Variants in TFEC observed in about 807,000 individuals in gnomAD.
TFEC encodes the protein class E basic helix-loop-helix protein 34.
TFEC carries 31 observed loss-of-function variants against 41.6 expected under a neutral mutation model. That is an observed-to-expected ratio of 0.74 (90% CI 0.56 to 1.01). TFEC has a LOEUF of 1.01. TFEC is among the 50% of genes least tolerant of loss of function. TFEC has a pLI of 0.00. For synonymous variants in TFEC, 143 were observed against 140.6 expected (o/e 1.02, Z -0.12); for missense variants, 402 against 404.1 (o/e 0.99, Z 0.04).
At chr7:115,949,205 C>A (rs1298182125) in intron 6 of TFEC, among the ~76,000 whole-genome samples, 1 of 152,028 alleles carries the variant, frequency 6.6e-6, no homozygotes, top group Non-Finnish European at 1.5e-5. Context: ...AAAGAGCATA[C>A]AAAGAAATGG....
chr7:115,948,693 G>A (rs1369662954), intron 6 of TFEC, among the ~76,000 whole-genome samples: 15 of 150,004 alleles, frequency 1.0e-4, no homozygotes, highest in South Asian at 8.6e-4. Flanking sequence ...TTGATGGGAC[G>A]TATCTCAAAA....
At chr7:116,045,550 C>A (rs1446064814) in intron 3 of TFEC, among the ~76,000 whole-genome samples, 1 of 152,184 alleles carries the variant, frequency 6.6e-6, no homozygotes, top group Non-Finnish European at 1.5e-5. Context: ...GTTTGGGAAC[C>A]TCTGCCTAGA....
At chr7:116,052,811 TG>T (rs1167514425) in intron 3 of TFEC, among the ~76,000 whole-genome samples, 4 of 151,048 alleles carry the variant, frequency 2.6e-5, no homozygotes, top group Non-Finnish European at 4.4e-5. Flanking sequence ...GGCTCACGCC[TG>T]TAATCCCAGC....
chr7:115,998,077 G>A (rs1794438778), intron 1 of TFEC, among the ~76,000 whole-genome samples: 1 of 151,952 alleles, frequency 6.6e-6, no homozygotes, highest in Non-Finnish European at 1.5e-5. Flanking sequence ...CAAGCCTAGA[G>A]AAAGATATCA....
intron 3 of TFEC, among the ~76,000 whole-genome samples, chr7:116,103,726 C>T (rs773025818): frequency 1.3e-5 from 2 of 152,024 alleles, no homozygotes; most frequent in Non-Finnish European, 2.9e-5. Context: ...TCTCCGGACA[C>T]GCATATTTAA....
At chr7:116,042,766 A>T (rs919117674) in intron 3 of TFEC, among the ~76,000 whole-genome samples, 4 of 152,008 alleles carry the variant, frequency 2.6e-5, no homozygotes, top group Admixed American at 6.6e-5. Flanking sequence ...GGTCAATATG[A>T]CTCTTCTCCC....
In TFEC at chr7:115,938,776, T is replaced by A. The variant is rs1793349841; in HGVS notation, c.*1775A>T. 1 of 151,916 alleles carries A rather than the reference T, an allele frequency of 6.6e-6. No homozygotes were observed. Among genetic ancestry groups the A allele is most frequent in the Non-Finnish European group, 1.5e-5 (1 of 67,898 alleles). 9.4% of individuals were successfully genotyped at this position (151,916 alleles called of 1,614,324 possible). ...CATTAGTAATATATATTTTAGTTTT[T>A]AGCATCCTCCCTGCTACTAAAAAGA... On this transcript the variant is annotated 3_prime_UTR_variant, in exon 8 of 8. Coordinates refer to ENST00000265440, the MANE Select transcript of TFEC (RefSeq NM_012252.4).
upstream of TFEC, among the ~76,000 whole-genome samples, chr7:116,033,062 C>T (rs966344396): frequency 6.6e-6 from 1 of 151,752 alleles, no homozygotes; most frequent in African/African-American, 2.4e-5. Flanking sequence ...TTTACAGACT[C>T]CCTGCAAGAT....
chr7:115,998,240 GTC>G (rs1794444894), intron 1 of TFEC, among the ~76,000 whole-genome samples: 1 of 152,052 alleles, frequency 6.6e-6, no homozygotes, highest in African/African-American at 2.4e-5. Flanking sequence ...GTGGTAAGTT[GTC>G]ATCAACTTAC....
At chr7:116,119,552 C>T (rs1245932080) in intron 1 of TFEC, among the ~76,000 whole-genome samples, 3 of 151,560 alleles carry the variant, frequency 2.0e-5, no homozygotes, top group Non-Finnish European at 1.5e-5. Flanking sequence ...CTGAATTATA[C>T]ACTTTAAAAG....
chr7:116,020,155 C>T (rs761950896), intron 1 of TFEC, among the ~76,000 whole-genome samples: 21 of 152,134 alleles, frequency 1.4e-4, no homozygotes, highest in Non-Finnish European at 2.6e-4. Context: ...ACTTCTGAAG[C>T]AAAACGATAA....
At chr7:115,945,016 A>C (rs1791454308) in intron 6 of TFEC, among the ~76,000 whole-genome samples, 1 of 150,110 alleles carries the variant, frequency 6.7e-6, no homozygotes, top group South Asian at 2.3e-4. Context: ...CATACTAGAT[A>C]ATTGTATAGT....
intron 2 of TFEC, among the ~76,000 whole-genome samples, chr7:115,980,627 G>A (rs947037472): frequency 6.6e-6 from 1 of 152,088 alleles, no homozygotes; most frequent in African/African-American, 2.4e-5. Context: ...GCTTGTGCCT[G>A]TAGTCCCAGC....
intron 7 of TFEC, 114 bp downstream of exon 7, chr7:115,941,779 A>C (rs1793515934): frequency 7.1e-7 from 1 of 1,404,220 alleles, no homozygotes; most frequent in South Asian, 1.5e-5. Flanking sequence ...ATTATCCTTC[A>C]AAAGGAAAAA....
chr7:116,158,618 A>C (rs1249026019), intron 1 of TFEC, among the ~76,000 whole-genome samples: 2 of 152,078 alleles, frequency 1.3e-5, no homozygotes, highest in African/African-American at 4.8e-5. Flanking sequence ...CAAAGGAAAA[A>C]ATTTGATGTT....
At chr7:116,114,472 C>T (rs1289460936) in intron 1 of TFEC, among the ~76,000 whole-genome samples, 1 of 151,932 alleles carries the variant, frequency 6.6e-6, no homozygotes, top group Non-Finnish European at 1.5e-5. Flanking sequence ...TTGCAAAGGG[C>T]AAGCGTAAGG....
intron 3 of TFEC, among the ~76,000 whole-genome samples, chr7:116,068,908 T>G (rs929644326): frequency 7.3e-5 from 11 of 151,534 alleles, no homozygotes; most frequent in Admixed American, 4.6e-4. Context: ...CTGAACACAT[T>G]GAAATAATGG....
At chr7:115,949,523 C>T (rs1407138981) in intron 6 of TFEC, among the ~76,000 whole-genome samples, 1 of 152,062 alleles carries the variant, frequency 6.6e-6, no homozygotes, top group African/African-American at 2.4e-5. Context: ...TGGAACAGAA[C>T]AGAGCCCTCA....
chr7:116,156,982 AT>A (rs545454793), intron 1 of TFEC, among the ~76,000 whole-genome samples: 2 of 152,126 alleles, frequency 1.3e-5, no homozygotes. Context: ...ACTGAATTTT[AT>A]TTTGAAATAA....
Sources: gnomAD v4.1 joint callset for allele counts (sites outside exome capture counted in the v4.1 genomes callset) on GRCh38, gnomAD v4.1.1 for gene constraint, MANE v1.5 for transcripts, NCBI Gene and HGNC (gene_info 2026-07-23, HGNC 2026-07-21) for gene names.